ADD2: variants seen among roughly 807,000 people sequenced by gnomAD.
ADD2 encodes adducin 2.
In ADD2, 23 loss-of-function variants were observed where a neutral mutation model predicts 83.0. The observed-to-expected ratio is 0.28, with a 90% CI of 0.20 to 0.39. The LOEUF is 0.39. Ranked by LOEUF, ADD2 falls within the 10% of genes least tolerant of loss-of-function variation. The pLI is 1.00. For missense variants in ADD2, 758 were observed against 944.9 expected (o/e 0.80, Z 2.59); for synonymous variants, 375 against 375.4 (o/e 1.00, Z 0.01).
Position 70,694,490 on chromosome 2 carries a change from C to T in ADD2, c.555+1231G>A, listed in dbSNP as rs530213267. 1.1e-4 allele frequency among the ~76,000 whole-genome samples: 16 copies of T among 152,260 alleles called. No individual in the cohort carries two copies. The South Asian group carries it at 2.7e-3, about 26-fold the overall frequency. ...TTCCATGCCATTTATCACCTGGACCCGATCCCCTTCCCAAGGTCACCTCCA... is the reference window on the plus strand; with the variant it reads ...TTCCATGCCATTTATCACCTGGACCTGATCCCCTTCCCAAGGTCACCTCCA... On this transcript the variant is annotated intron_variant, in intron 6 of 15. Transcript: ENST00000264436.
At chr2:70,672,671 C>T (rs6546617) in intron 15 of ADD2, among the ~76,000 whole-genome samples, 5,799 of 152,262 alleles carry the variant, frequency 0.038, 364 homozygotes, top group African/African-American at 0.13. Context: ...TTCTTCATTG[C>T]TTATACTGGG....
chr2:70,683,659 C>T lies in ADD2; in HGVS notation c.1057G>A (p.Gly353Arg), dbSNP rs1553369986. ...GSVQWAGSTF[G>R]PMQKSRLGEH... ...CCCAGCCGACTCTTCTGCATAGGCCCAAAGGTGCTCCCGGCCCACTGCACG... is the reference window on the plus strand; with the variant it reads ...CCCAGCCGACTCTTCTGCATAGGCCTAAAGGTGCTCCCGGCCCACTGCACG... The change falls in exon 10 of 16, where the codon GGG becomes AGG. Residue 353 changes from glycine to arginine, a missense_variant. Gly to Arg is a moderately radical substitution (Grantham distance 125). Coordinates refer to ENST00000264436, the MANE Select transcript of ADD2 (RefSeq NM_001617.4). 6.2e-7 allele frequency: 1 copy of T among 1,614,132 alleles called. No individual in the cohort carries two copies. The highest frequency in any genetic ancestry group is 8.5e-7 in the Non-Finnish European group (1 of 1,180,014).
chr2:70,752,435 A>T (rs942313323), intron 1 of ADD2, among the ~76,000 whole-genome samples: 1 of 152,202 alleles, frequency 6.6e-6, no homozygotes, highest in African/African-American at 2.4e-5. Flanking sequence ...TTAAATACTT[A>T]TAAATATAAA....
At chr2:70,710,180 T>G (rs1471270108) in intron 2 of ADD2, among the ~76,000 whole-genome samples, 1 of 152,266 alleles carries the variant, frequency 6.6e-6, no homozygotes, top group Non-Finnish European at 1.5e-5. Context: ...CATAGGCATG[T>G]GAGCCCCCTG....
chr2:70,756,658 C>T lies in ADD2; in HGVS notation c.-154+11228G>A, dbSNP rs887560091. 7.9e-5 allele frequency among the ~76,000 whole-genome samples: 12 copies of T among 152,018 alleles called. No homozygotes were observed. In the East Asian group the frequency reaches 1.7e-3, roughly 22 times the overall value. On this transcript the variant is annotated intron_variant, in intron 1 of 15. Coordinates refer to ENST00000264436, the MANE Select transcript of ADD2 (RefSeq NM_001617.4). ...GAGAAGGAGGGAGCAGGCAAGGAGA[C>T]GTGGTGGTAATAGCCTTATCTATGG...
chr2:70,731,939 G>T (rs1333007506), intron 1 of ADD2, among the ~76,000 whole-genome samples: 1 of 152,196 alleles, frequency 6.6e-6, no homozygotes, highest in Non-Finnish European at 1.5e-5. Context: ...CTCTGCACCA[G>T]AAGACAACAA....
At chr2:70,719,785 G>A (rs1253246516) in intron 1 of ADD2, among the ~76,000 whole-genome samples, 3 of 152,278 alleles carry the variant, frequency 2.0e-5, no homozygotes, top group African/African-American at 7.2e-5. Context: ...TGGCCTTCAG[G>A]CAAGTCAGTG....
rs1574221013 is a variant in ADD2, at chr2:70,672,921, T to C, written c.1827A>G (p.Ala609=). ...ASPVQSPAKE[A]ETKSPLVSPS... is the part of the protein sequence containing the mutation. ...GAGAGACTAAAGGGCTCTTTGTCTC[T>C]GCCTCCTTCGCTGGGCTCTGCACTG... The change falls in exon 15 of 16, where the codon GCA becomes GCG. Residue 609 remains alanine (A), a synonymous_variant. Transcript: ENST00000264436. 4 of 1,613,684 alleles carry C rather than the reference T, an allele frequency of 2.5e-6. No homozygotes were observed. The highest frequency in any genetic ancestry group is 2.5e-6 in the Non-Finnish European group (3 of 1,179,896).
chr2:70,675,801 G>C, intron 13 of ADD2: 2 of 985,416 alleles, frequency 2.0e-6, no homozygotes, highest in Non-Finnish European at 2.4e-6. Context: ...AAAAACCCAA[G>C]AAGAGGGACT....
intron 8 of ADD2, among the ~76,000 whole-genome samples, chr2:70,689,079 G>A (rs1670892138): frequency 6.7e-6 from 1 of 150,344 alleles, no homozygotes; most frequent in Non-Finnish European, 1.5e-5. Flanking sequence ...GTCGGTGACA[G>A]AGCAAGACTC....
rs782714604 is a variant in ADD2, at chr2:70,676,688, G to A, written c.1593+108C>T. Reference sequence around the variant, plus strand: ...AAGAGCACCGGCACCCAAGATCACAGGGGAAGGTGGGTATGAGGACTCAGG... The same window carrying A: ...AAGAGCACCGGCACCCAAGATCACAAGGGAAGGTGGGTATGAGGACTCAGG... On this transcript the variant is annotated intron_variant, in intron 13 of 15. Coordinates refer to ENST00000264436, the MANE Select transcript of ADD2 (RefSeq NM_001617.4). The surrounding 1 kb of genome is among the most constrained non-coding windows in gnomAD (Gnocchi z 4.8). The A allele has an allele frequency of 1.9e-6, 3 of 1,538,672 alleles. No homozygotes were observed. Among genetic ancestry groups the A allele is most frequent in the African/African-American group, 2.7e-5 (2 of 72,962 alleles).
At chr2:70,742,628 A>G (rs1673975596) in intron 1 of ADD2, among the ~76,000 whole-genome samples, 1 of 152,172 alleles carries the variant, frequency 6.6e-6, no homozygotes, top group Non-Finnish European at 1.5e-5. Context: ...CTTGTTGCCT[A>G]TAGAACAACA....
intron 6 of ADD2, 63 bp from the exon 7 acceptor site, chr2:70,692,615 C>CA: frequency 6.7e-7 from 1 of 1,498,232 alleles, no homozygotes. Flanking sequence ...ACTCCTCTCC[C>CA]AGCTGGTGGG....
intron 4 of ADD2, among the ~76,000 whole-genome samples, 198 bp downstream of exon 4, chr2:70,704,123 G>A (rs554817884): frequency 1.7e-4 from 26 of 152,224 alleles, no homozygotes; most frequent in African/African-American, 5.5e-4. Context: ...TTTTTCTGTG[G>A]ACGTTTAATT....
intron 15 of ADD2, among the ~76,000 whole-genome samples, chr2:70,665,852 T>A (rs1675775412): frequency 6.6e-6 from 1 of 151,178 alleles, no homozygotes; most frequent in African/African-American, 2.4e-5. Context: ...TCCTGCTCTG[T>A]CGCTTAGAGC....
chr2:70,680,093 T>C (rs1445106624), intron 10 of ADD2, among the ~76,000 whole-genome samples: 2 of 152,228 alleles, frequency 1.3e-5, no homozygotes, highest in African/African-American at 4.8e-5. Context: ...TTTGTCAAGA[T>C]TGCAGCCTTT....
At chr2:70,699,539 G>A (rs1437787170) in intron 4 of ADD2, among the ~76,000 whole-genome samples, 2 of 152,190 alleles carry the variant, frequency 1.3e-5, no homozygotes, top group Non-Finnish European at 2.9e-5. Flanking sequence ...CAGCACTCTG[G>A]GAAGCGGATG....
In ADD2 at chr2:70,676,882, G is replaced by T. The variant is rs782763406; in HGVS notation, c.1507C>A (p.Arg503=). 3 of 1,613,054 alleles carry T rather than the reference G, an allele frequency of 1.9e-6. No individual in the cohort carries two copies. The highest frequency in any genetic ancestry group is 3.3e-5 in the Admixed American group (2 of 59,970). The change falls in exon 13 of 16, where the codon CGA becomes AGA. Residue 503 remains arginine, a synonymous_variant. Transcript: ENST00000264436. This position sits in a 1 kb window ranked among gnomAD's most constrained non-coding sequence, Gnocchi z 4.8. ...QEVLEMRNKI[R]EQNRQDVKSA... ...TTCACATCTTGTCGGTTTTGTTCTC[G>T]AATCTGTGTGGAAAGGGGAGAGGAA...
rs565901364 is a variant in ADD2 at position 70,745,155 on chromosome 2, G to A, written c.-154+22731C>T. On this transcript the variant is annotated intron_variant, in intron 1 of 15. Coordinates refer to ENST00000264436, the MANE Select transcript of ADD2 (RefSeq NM_001617.4). ...CAAAAAATTAGCCGGGCGTGGTGGC[G>A]GGCGCCTGTAGTCCCAACTACTCGG... Among the ~76,000 whole-genome samples, 8 of 152,144 alleles carry A rather than the reference G, an allele frequency of 5.3e-5. No homozygotes were observed. In the South Asian group the frequency reaches 6.2e-4, roughly 12 times the overall value.
Sources: allele counts gnomAD v4.1 joint callset (sites outside exome capture counted in the v4.1 genomes callset), GRCh38; gene constraint gnomAD v4.1.1; non-coding constraint Gnocchi (gnomAD v3.1); transcripts MANE v1.5; gene names NCBI Gene and HGNC (gene_info 2026-07-23, HGNC 2026-07-21).